ZBED3: variants seen among roughly 807,000 people sequenced by gnomAD.
The protein encoded by ZBED3 is zinc finger BED-type containing 3, also known as zinc finger BED domain-containing protein 3.
For synonymous variants in ZBED3, 175 were observed against 180.0 expected (o/e 0.97, Z 0.22); for missense variants, 388 against 362.9 (o/e 1.07, Z -0.56).
chr5:77,077,176 A>C lies in ZBED3; in HGVS notation c.703T>G (p.Ter235GluextTer28). The stretch of plus-strand genomic sequence containing the variant: ...GGGGTGGGGAAGTGGCCACACCCCT[A>C]CAGGAGGACCTTTGTGATGACGCAG... ...DGCVITKVLL[*>E] Residue 235 changes from the stop codon to glutamate, a stop_lost, in exon 3 of 3, where the codon TAG becomes GAG. Transcript: ENST00000255198. 6.8e-7 allele frequency: 1 copy of C among 1,479,576 alleles called. No individual in the cohort carries two copies. Among genetic ancestry groups the C allele is most frequent in the Admixed American group, 2.3e-5 (1 of 43,968 alleles). 91.7% of individuals were successfully genotyped at this position (1,479,576 alleles called of 1,614,324 possible).
Position 77,075,940 on chromosome 5 carries a change from TATACA to T in ZBED3, c.*1229_*1233del, listed in dbSNP as rs1561296243. 4 of 10,946 alleles carry T rather than the reference TATACA, an allele frequency of 3.7e-4. No homozygotes were observed. Among genetic ancestry groups the T allele is most frequent in the African/African-American group, 1.5e-3 (4 of 2,586 alleles). 0.7% of individuals were successfully genotyped at this position (10,946 alleles called of 1,614,324 possible). ...GCACCCTAGAACTTAAAGTATTATA[TATACA>T]TATATATATATATATATATATGTAT... On this transcript the variant is annotated 3_prime_UTR_variant, in exon 3 of 3. Coordinates refer to ENST00000255198, the MANE Select transcript of ZBED3 (RefSeq NM_032367.4).
At chr5:77,082,537 A>G (rs1339094615) in intron 1 of ZBED3, among the ~76,000 whole-genome samples, 1 of 152,224 alleles carries the variant, frequency 6.6e-6, no homozygotes, top group Non-Finnish European at 1.5e-5. Context: ...AATGTCTTAC[A>G]AGGATATCTG....
At chr5:77,078,919 C>A (rs190009955) in intron 1 of ZBED3, 191 bp from the exon 2 acceptor site, 32 of 152,286 alleles carry the variant, frequency 2.1e-4, no homozygotes, top group Non-Finnish European at 4.0e-4. Context: ...AAGATCCCCT[C>A]TACATATTTG....
At position 77,077,242 on chromosome 5, in the gene ZBED3, G is replaced by T. The variant is rs75274568; in HGVS notation, c.637C>A (p.Pro213Thr). Residue 213 changes from proline to threonine, a missense_variant, in exon 3 of 3, where the codon CCG (proline) becomes ACG (threonine). Physicochemically the swap from Pro to Thr is conservative, Grantham distance 38. Coordinates refer to ENST00000255198, the MANE Select transcript of ZBED3 (RefSeq NM_032367.4). ...TCGGGGTCGTCCTTGAGCGGCGGCG[G>T]CGCAGCGGGGGCCCAGCCCAGGGCG... ...EGALGWAPAA[P>T]PPLKDDPEGD... 5,141 of 1,477,754 alleles carry T rather than the reference G, an allele frequency of 3.5e-3. 136 individuals are homozygous for T. The African/African-American group carries it at 0.066, about 19-fold the overall frequency. The allele number at this position is 1,477,754 out of a possible 1,614,324, so 91.5% of individuals were successfully genotyped here.
At chr5:77,084,279 A>C (rs935420757) in intron 1 of ZBED3, among the ~76,000 whole-genome samples, 1 of 152,172 alleles carries the variant, frequency 6.6e-6, no homozygotes, top group African/African-American at 2.4e-5. Flanking sequence ...TCCTACTCCC[A>C]TAATTCCCAC....
At position 77,085,267 on chromosome 5, in the gene ZBED3, G is replaced by A. The variant is rs7724940; in HGVS notation, c.-153+1844C>T. On this transcript the variant is annotated intron_variant, in intron 1 of 2. Coordinates refer to ENST00000255198, the MANE Select transcript of ZBED3 (RefSeq NM_032367.4). ...AGATCAAAACCTGGATGAATAATCT[G>A]TATAAACATGGGCATATACACAAGG... Among the ~76,000 whole-genome samples the A allele has an allele frequency of 9.1e-3, 1,379 of 152,320 alleles. 25 individuals carry two copies. Among genetic ancestry groups the A allele is most frequent in the African/African-American group, 0.032 (1,315 of 41,568 alleles).
rs1743023097 is a variant in ZBED3 at position 77,077,140 on chromosome 5, A to C, written c.*34T>G. ...TGAAGGCATTGGCATTGGACGGAGA[A>C]GCGCTGTCCTGGGGTGGGGAAGTGG... On this transcript the variant is annotated 3_prime_UTR_variant, in exon 3 of 3. Coordinates refer to ENST00000255198, the MANE Select transcript of ZBED3 (RefSeq NM_032367.4). The C allele has an allele frequency of 7.4e-7, 1 of 1,358,036 alleles. No homozygotes were observed. Among genetic ancestry groups the C allele is most frequent in the Non-Finnish European group, 9.5e-7 (1 of 1,054,616 alleles). The allele number at this position is 1,358,036 out of a possible 1,614,324, so 84.1% of individuals were successfully genotyped here. A position where few individuals can be genotyped will look rare whatever the true frequency, so the allele number is the denominator to read the frequency against.
chr5:77,084,002 T>G (rs1167355186), intron 1 of ZBED3, among the ~76,000 whole-genome samples: 2 of 152,208 alleles, frequency 1.3e-5, no homozygotes, highest in East Asian at 3.8e-4. Flanking sequence ...AATTTTTCCT[T>G]GAAAAAATTT....
intron 1 of ZBED3, among the ~76,000 whole-genome samples, chr5:77,081,193 C>T (rs1743121978): frequency 1.3e-5 from 2 of 152,066 alleles, no homozygotes; most frequent in Non-Finnish European, 2.9e-5. Context: ...AATAAGGTAT[C>T]GTTTTACATC....
rs1476627327 is a variant in ZBED3 at position 77,077,456 on chromosome 5, C to A, written c.423G>T (p.Val141=). 1 of 1,209,866 alleles carries A rather than the reference C, an allele frequency of 8.3e-7. No individual in the cohort carries two copies. 74.9% of individuals were successfully genotyped at this position (1,209,866 alleles called of 1,614,324 possible). A position where few individuals can be genotyped will look rare whatever the true frequency, so the allele number is the denominator to read the frequency against. ...GCTCCCGCTCCCGCCGGCTGCCGCG[C>A]ACGGCCAGCGCGCCCATCTGTTCCA... The part of the protein sequence containing the change: ...RLLEQMGALA[V]RGSRRERELE... The change falls in exon 3 of 3, where the codon GTG becomes GTT. Residue 141 remains valine, a synonymous_variant. Coordinates refer to ENST00000255198, the MANE Select transcript of ZBED3 (RefSeq NM_032367.4).
intron 1 of ZBED3, chr5:77,080,432 C>T (rs552167039): frequency 4.2e-6 from 2 of 476,908 alleles, no homozygotes; most frequent in Admixed American, 2.2e-5. Flanking sequence ...CAGGCTGCAT[C>T]ACAAATGTCG....
At chr5:77,084,304 A>G (rs1743190761) in intron 1 of ZBED3, among the ~76,000 whole-genome samples, 1 of 152,152 alleles carries the variant, frequency 6.6e-6, no homozygotes, top group African/African-American at 2.4e-5. Flanking sequence ...TGTGGGATGG[A>G]ACTGGTGAGA....
At chr5:77,083,959 G>A (rs931575793) in intron 1 of ZBED3, among the ~76,000 whole-genome samples, 3 of 152,086 alleles carry the variant, frequency 2.0e-5, no homozygotes, top group African/African-American at 7.2e-5. Flanking sequence ...TAATTCTGTG[G>A]TTAGCTAATA....
chr5:77,086,482 T>C (rs938375654), intron 1 of ZBED3, among the ~76,000 whole-genome samples: 1 of 152,228 alleles, frequency 6.6e-6, no homozygotes, highest in Non-Finnish European at 1.5e-5. Context: ...TTTGTAGTCT[T>C]GGCTCATTAG....
chr5:77,084,124 T>C (rs573370593), intron 1 of ZBED3, among the ~76,000 whole-genome samples: 1 of 152,338 alleles, frequency 6.6e-6, no homozygotes, highest in South Asian at 2.1e-4. Context: ...GTGCGTGCTT[T>C]CTGCCAAGCA....
chr5:77,084,413 G>C (rs375123728), intron 1 of ZBED3, among the ~76,000 whole-genome samples: 1 of 152,102 alleles, frequency 6.6e-6, no homozygotes, highest in Non-Finnish European at 1.5e-5. Context: ...AGCCCTTTTC[G>C]CTTGACCCTC....
chr5:77,077,305 G>A lies in ZBED3; in HGVS notation c.574C>T (p.Leu192=). 3 of 1,330,442 alleles carry A rather than the reference G, an allele frequency of 2.3e-6. No homozygotes were observed. Among genetic ancestry groups the A allele is most frequent in the Non-Finnish European group, 2.9e-6 (3 of 1,045,364 alleles). 82.4% of individuals were successfully genotyped at this position (1,330,442 alleles called of 1,614,324 possible). ...RRELQAEREA[L]QARLRDVSRR... is the part of the protein sequence containing the mutation. ...CTCACATCCCGCAGCCGCGCCTGCA[G>A]CGCCTCCCGCTCGGCCTGCAGTTCC... The change falls in exon 3 of 3, where the codon CTG becomes TTG. Residue 192 remains leucine, a synonymous_variant. Coordinates refer to ENST00000255198, the MANE Select transcript of ZBED3 (RefSeq NM_032367.4).
In ZBED3 at chr5:77,072,953, G is replaced by T; in HGVS notation, c.*4221C>A. On this transcript the variant is annotated 3_prime_UTR_variant, in exon 3 of 3. Transcript: ENST00000255198. ...TATTTTCCTAATCTATCAAATGATG[G>T]AGTTGGACTGAACAAGGGCTGCATT... 6.6e-6 allele frequency: 1 copy of T among 152,308 alleles called. No homozygotes were observed. 9.4% of individuals were successfully genotyped at this position (152,308 alleles called of 1,614,324 possible).
intron 1 of ZBED3, chr5:77,080,465 A>G (rs1227098501): frequency 5.9e-6 from 3 of 511,534 alleles, no homozygotes; most frequent in Non-Finnish European, 1.2e-5. Flanking sequence ...CTGCCCCTCC[A>G]AGGGTGGCAA....
Sources: gnomAD v4.1 joint callset for allele counts (sites outside exome capture counted in the v4.1 genomes callset) on GRCh38, gnomAD v4.1.1 for gene constraint, MANE v1.5 for transcripts, NCBI Gene and HGNC (gene_info 2026-07-23, HGNC 2026-07-21) for gene names.